PHACTR4: variants seen among roughly 807,000 people sequenced by gnomAD.
The protein encoded by PHACTR4 is phosphatase and actin regulator 4.
In PHACTR4, 51 loss-of-function variants were observed where a neutral mutation model predicts 72.7. The ratio of observed to expected loss-of-function variants is 0.70; its 90% CI spans 0.56 to 0.89. The LOEUF (loss-of-function observed/expected upper bound fraction) is 0.89. Ranked by LOEUF, PHACTR4 falls within the 40% of genes least tolerant of loss-of-function variation. The pLI is 0.00. For missense variants in PHACTR4, 731 were observed against 861.8 expected (o/e 0.85, Z 1.90); for synonymous variants, 255 against 302.5 (o/e 0.84, Z 1.63).
At chr1:28,426,573 A>G (rs1655864275) in intron 2 of PHACTR4, among the ~76,000 whole-genome samples, 1 of 152,074 alleles carries the variant, frequency 6.6e-6, no homozygotes, top group Non-Finnish European at 1.5e-5. Context: ...CTGAGGCAGG[A>G]GAATGGCGTG....
chr1:28,455,554 G>A (rs1311123890), intron 2 of PHACTR4, among the ~76,000 whole-genome samples: 1 of 152,062 alleles, frequency 6.6e-6, no homozygotes, highest in African/African-American at 2.4e-5. Flanking sequence ...GTCTGCCTCT[G>A]TCTCTTTTAA....
At chr1:28,448,616 G>T (rs1379021338) in intron 2 of PHACTR4, among the ~76,000 whole-genome samples, 1 of 141,112 alleles carries the variant, frequency 7.1e-6, no homozygotes, top group Non-Finnish European at 1.5e-5. Context: ...AAAAAAATTA[G>T]CTGGGCATGG....
chr1:28,413,584 A>G (rs1246845318), intron 2 of PHACTR4, among the ~76,000 whole-genome samples: 2 of 152,052 alleles, frequency 1.3e-5, no homozygotes, highest in African/African-American at 2.4e-5. Flanking sequence ...ATTCAACTTT[A>G]TCTTCTACTT....
At chr1:28,492,637 G>A (rs775111377) in intron 12 of PHACTR4, among the ~76,000 whole-genome samples, 1 of 151,950 alleles carries the variant, frequency 6.6e-6, no homozygotes, top group Non-Finnish European at 1.5e-5. Flanking sequence ...GTGCGCACCT[G>A]TAATCCCAGC....
chr1:28,395,137 T>C (rs1330118130), intron 1 of PHACTR4, among the ~76,000 whole-genome samples: 2 of 152,074 alleles, frequency 1.3e-5, no homozygotes, highest in Admixed American at 6.6e-5. Context: ...GGTCTCAAAC[T>C]CCAGACCTCA....
At chr1:28,444,746 G>T (rs886375935) in intron 2 of PHACTR4, among the ~76,000 whole-genome samples, 1 of 147,508 alleles carries the variant, frequency 6.8e-6, no homozygotes, top group Non-Finnish European at 1.5e-5. Context: ...CTCCCAAGTA[G>T]CTAGGACTAC....
chr1:28,442,473 A>G (rs974940800), intron 2 of PHACTR4, among the ~76,000 whole-genome samples: 5 of 147,282 alleles, frequency 3.4e-5, no homozygotes, highest in Non-Finnish European at 7.4e-5. Flanking sequence ...AAAAAAAAAG[A>G]AAAAAAAGTT....
At position 28,430,230 on chromosome 1, in the gene PHACTR4, T is replaced by C. The variant is rs137966995; in HGVS notation, c.16+22767T>C. Among the ~76,000 whole-genome samples, 752 of 152,268 alleles carry C rather than the reference T, an allele frequency of 4.9e-3. 5 individuals are homozygous for C. The highest frequency in any genetic ancestry group is 0.017 in the African/African-American group (704 of 41,542). Reference sequence around the variant, plus strand: ...TAGTAGAGATAGGGTTTCACCATGTTAGCCAGGATGGTCTTGATCTGCTGA... The same window carrying C: ...TAGTAGAGATAGGGTTTCACCATGTCAGCCAGGATGGTCTTGATCTGCTGA... On this transcript the variant is annotated intron_variant, in intron 2 of 13. Transcript: ENST00000373839.
At chr1:28,435,104 C>A (rs531405753) in intron 2 of PHACTR4, among the ~76,000 whole-genome samples, 7 of 152,214 alleles carry the variant, frequency 4.6e-5, no homozygotes, top group African/African-American at 1.7e-4. Context: ...TTCAGACTTT[C>A]TCTCTGGCCT....
At chr1:28,474,814 A>G (rs1659817555) in intron 7 of PHACTR4, among the ~76,000 whole-genome samples, 1 of 152,108 alleles carries the variant, frequency 6.6e-6, no homozygotes, top group African/African-American at 2.4e-5. Flanking sequence ...AAGTGCTGGG[A>G]TTGCAAGTGT....
intron 4 of PHACTR4, among the ~76,000 whole-genome samples, chr1:28,462,318 C>G (rs1290219001): frequency 6.6e-6 from 1 of 151,924 alleles, no homozygotes; most frequent in Non-Finnish European, 1.5e-5. Context: ...CTGGCCCTTG[C>G]TTTTTTGATA....
chr1:28,473,479 T>C, intron 6 of PHACTR4, 75 bp from the exon 7 acceptor site: 1 of 1,124,240 alleles, frequency 8.9e-7, no homozygotes. Context: ...AACTCAACTT[T>C]AATTCTAGGC....
At chr1:28,468,490 G>A (rs1024390325) in intron 6 of PHACTR4, among the ~76,000 whole-genome samples, 1 of 152,170 alleles carries the variant, frequency 6.6e-6, no homozygotes, top group Non-Finnish European at 1.5e-5. Flanking sequence ...TACTCGGGAG[G>A]CTGAAGCAGG....
At chr1:28,455,342 G>A (rs367828630) in intron 2 of PHACTR4, among the ~76,000 whole-genome samples, 11 of 151,266 alleles carry the variant, frequency 7.3e-5, no homozygotes, top group South Asian at 2.1e-4. Context: ...GATTATAGGC[G>A]TGTACCACCA....
intron 6 of PHACTR4, among the ~76,000 whole-genome samples, chr1:28,471,982 C>A (rs972259517): frequency 6.6e-6 from 1 of 151,842 alleles, no homozygotes; most frequent in African/African-American, 2.4e-5. Flanking sequence ...GAGGCCGAGG[C>A]GGGCGGATCA....
chr1:28,444,419 A>AG (rs994500281), intron 2 of PHACTR4, among the ~76,000 whole-genome samples: 3 of 149,984 alleles, frequency 2.0e-5, no homozygotes, highest in Admixed American at 2.0e-4. Context: ...TAATACAGAC[A>AG]GGGTTTCACC....
At chr1:28,412,862 G>A (rs1654874234) in intron 2 of PHACTR4, among the ~76,000 whole-genome samples, 1 of 152,164 alleles carries the variant, frequency 6.6e-6, no homozygotes, top group Admixed American at 6.5e-5. Flanking sequence ...GGGTTTCAGT[G>A]TGGACTAGGT....
At chr1:28,470,999 C>T (rs942668330) in intron 6 of PHACTR4, among the ~76,000 whole-genome samples, 1 of 149,620 alleles carries the variant, frequency 6.7e-6, no homozygotes, top group African/African-American at 2.5e-5. Context: ...GCACTCCAGT[C>T]TGGGCAACAG....
intron 2 of PHACTR4, chr1:28,438,041 G>C: frequency 2.0e-6 from 1 of 496,382 alleles, no homozygotes; most frequent in Non-Finnish European, 2.3e-6. Flanking sequence ...AGTCAGGAAC[G>C]GGGGTGTGGA....
Sources: gnomAD v4.1 joint callset for allele counts (sites outside exome capture counted in the v4.1 genomes callset) on GRCh38, gnomAD v4.1.1 for gene constraint, MANE v1.5 for transcripts, NCBI Gene and HGNC (gene_info 2026-07-23, HGNC 2026-07-21) for gene names.